Variants in SPATA13 observed in about 807,000 individuals in gnomAD.
SPATA13 encodes spermatogenesis-associated protein 13.
In SPATA13, 50 loss-of-function variants were observed where a neutral mutation model predicts 104.0. The ratio of observed to expected loss-of-function variants is 0.48; its 90% CI spans 0.38 to 0.61. The LOEUF (loss-of-function observed/expected upper bound fraction) is 0.61, where lower values mean the gene tolerates loss of function less well. SPATA13 is among the 20% of genes least tolerant of loss of function. The pLI, the probability that SPATA13 is intolerant of heterozygous loss-of-function variation, is 0.00. For synonymous variants in SPATA13, 606 were observed against 667.5 expected, an observed-to-expected ratio of 0.91 and a Z score of 1.42; for missense variants, 1,524 against 1,690.6, an observed-to-expected ratio of 0.90 and a Z score of 1.73.
At chr13:24,018,399 A>G (rs1156307621) in intron 3 of SPATA13, among the ~76,000 whole-genome samples, 1 of 152,246 alleles carries the variant, frequency 6.6e-6, no homozygotes, top group East Asian at 1.9e-4. Context: ...CCAACTAAAG[A>G]CTAACAAGTA....
chr13:24,247,859 C>CG (rs1873245201), intron 2 of SPATA13, among the ~76,000 whole-genome samples: 1 of 152,124 alleles, frequency 6.6e-6, no homozygotes, highest in South Asian at 2.1e-4. Flanking sequence ...GCCTGGGGCC[C>CG]GGGGTCTCTT....
chr13:24,249,425 C>CT (rs2138660044), intron 2 of SPATA13, 52 bp from the exon 3 acceptor site: 1 of 1,459,796 alleles, frequency 6.9e-7, no homozygotes, highest in East Asian at 2.5e-5. Flanking sequence ...CTTGTTCTTT[C>CT]TTTAATACCT....
chr13:24,160,944 T>TCGGGCGCGCGGCTCTGCCGGG lies in SPATA13; in HGVS notation c.-112+21_-112+41dup. 1.0e-6 allele frequency: 1 copy of TCGGGCGCGCGGCTCTGCCGGG among 985,856 alleles called. No homozygotes were observed. Among genetic ancestry groups the TCGGGCGCGCGGCTCTGCCGGG allele is most frequent in the Non-Finnish European group, 1.2e-6 (1 of 830,348 alleles). The allele number at this position is 985,856 out of a possible 1,614,324, so 61.1% of individuals were successfully genotyped here. Reference sequence around the variant, plus strand: ...AGGCGCCGCAGGAGGTAAGACGGCTTCGGGCGCGCGGCTCTGCCGGGCGGG... The same window carrying TCGGGCGCGCGGCTCTGCCGGG: ...AGGCGCCGCAGGAGGTAAGACGGCTTCGGGCGCGCGGCTCTGCCGGGCGGGCGCGCGGCTCTGCCGGGCGGG... On this transcript the variant is annotated intron_variant, in intron 1 of 12. Coordinates refer to ENST00000382108, the MANE Select transcript of SPATA13 (RefSeq NM_001166271.3).
At chr13:24,164,396 T>C (rs954594027) in intron 1 of SPATA13, among the ~76,000 whole-genome samples, 1 of 152,206 alleles carries the variant, frequency 6.6e-6, no homozygotes, top group Non-Finnish European at 1.5e-5. Context: ...ATTGTTGAAT[T>C]GTGATGCTCA....
intron 3 of SPATA13, among the ~76,000 whole-genome samples, chr13:24,140,341 A>C (rs532789593): frequency 1.6e-4 from 24 of 152,368 alleles, no homozygotes; most frequent in Non-Finnish European, 2.8e-4. Context: ...ATCAGTTCAT[A>C]GTTTGTTGCC....
intron 3 of SPATA13, among the ~76,000 whole-genome samples, chr13:24,061,312 A>G (rs1878764080): frequency 6.6e-6 from 1 of 152,196 alleles, no homozygotes; most frequent in Non-Finnish European, 1.5e-5. Flanking sequence ...TAATGTAGCA[A>G]TTCTTCAAAG....
At chr13:23,992,380 G>GTAAA (rs1875454715) in intron 2 of SPATA13, among the ~76,000 whole-genome samples, 1 of 152,216 alleles carries the variant, frequency 6.6e-6, no homozygotes, top group Admixed American at 6.5e-5. Context: ...AAGTCCTGTA[G>GTAAA]TAAAGCCCAA....
intron 3 of SPATA13, among the ~76,000 whole-genome samples, chr13:24,135,218 G>GA (rs34924085): frequency 0.17 from 17,896 of 106,426 alleles, 1,385 homozygotes; most frequent in East Asian, 0.54. Context: ...CTCATTATTC[G>GA]AAAAAAAAAA....
At chr13:24,175,968 G>T (rs1868411992) in intron 1 of SPATA13, among the ~76,000 whole-genome samples, 1 of 152,188 alleles carries the variant, frequency 6.6e-6, no homozygotes, top group Admixed American at 6.5e-5. Context: ...GAAAACTACT[G>T]CATGTTTTAT....
chr13:24,256,617 C>T (rs1873803817), intron 4 of SPATA13, among the ~76,000 whole-genome samples: 1 of 151,742 alleles, frequency 6.6e-6, no homozygotes, highest in Admixed American at 6.6e-5. Context: ...GAATGGAGCC[C>T]TCCCTTCCGA....
chr13:24,122,274 G>A (rs1208467555), intron 3 of SPATA13: 1 of 1,345,128 alleles, frequency 7.4e-7, no homozygotes, highest in African/African-American at 1.4e-5. Context: ...TTACGATTTT[G>A]AATAGTTTGA....
chr13:24,251,306 A>T (rs1389711128), intron 3 of SPATA13, among the ~76,000 whole-genome samples: 3 of 152,192 alleles, frequency 2.0e-5, no homozygotes, highest in African/African-American at 7.2e-5. Context: ...ACAGATGGCC[A>T]CCCTGGCCGG....
At chr13:24,257,978 G>C (rs1873871005) in intron 4 of SPATA13, among the ~76,000 whole-genome samples, 1 of 152,146 alleles carries the variant, frequency 6.6e-6, no homozygotes, top group Non-Finnish European at 1.5e-5. Flanking sequence ...GAAACGATAA[G>C]AATTCTGGAT....
At chr13:24,155,040 T>G (rs902138865) in intron 3 of SPATA13, among the ~76,000 whole-genome samples, 4 of 152,216 alleles carry the variant, frequency 2.6e-5, no homozygotes, top group African/African-American at 4.8e-5. Flanking sequence ...GTGTTTTTAC[T>G]AGAGCCAGGG....
At chr13:24,283,694 G>A (rs763932162) in intron 4 of SPATA13, among the ~76,000 whole-genome samples, 1 of 152,210 alleles carries the variant, frequency 6.6e-6, no homozygotes, top group Non-Finnish European at 1.5e-5. Context: ...AGACACTGTT[G>A]GGATGTACTG....
chr13:23,996,903 C>T (rs534966133), intron 2 of SPATA13, among the ~76,000 whole-genome samples: 1 of 152,326 alleles, frequency 6.6e-6, no homozygotes, highest in Non-Finnish European at 1.5e-5. Context: ...TATAAGGATC[C>T]TTGTGCTCAC....
intron 4 of SPATA13, among the ~76,000 whole-genome samples, chr13:24,274,682 C>T (rs1874848127): frequency 6.6e-6 from 1 of 152,210 alleles, no homozygotes; most frequent in South Asian, 2.1e-4. Context: ...GATGGGAAGT[C>T]AGAATGGCTT....
intron 1 of SPATA13, among the ~76,000 whole-genome samples, chr13:24,189,999 TAATA>T (rs1869516824): frequency 1.0e-4 from 1 of 9,524 alleles, no homozygotes; most frequent in African/African-American, 1.3e-4. Flanking sequence ...ATATAACATA[TAATA>T]ATATATTATT....
intron 2 of SPATA13, among the ~76,000 whole-genome samples, chr13:24,012,736 G>C (rs747981599): frequency 6.6e-6 from 1 of 152,256 alleles, no homozygotes; most frequent in South Asian, 2.1e-4. Context: ...GGAATGGCAC[G>C]GGCATAGGAG....
Sources: allele counts gnomAD v4.1 joint callset (sites outside exome capture counted in the v4.1 genomes callset), GRCh38; gene constraint gnomAD v4.1.1; transcripts MANE v1.5; gene names NCBI Gene and HGNC (gene_info 2026-07-23, HGNC 2026-07-21).